Variants in RPS6KA2 observed in about 807,000 individuals in gnomAD.
RPS6KA2 encodes ribosomal protein S6 kinase alpha-2.
In RPS6KA2, 42 loss-of-function variants were observed where a neutral mutation model predicts 91.8. The observed-to-expected ratio is 0.46, with a 90% confidence interval of 0.36 to 0.59. The LOEUF (loss-of-function observed/expected upper bound fraction) is 0.59. Among genes scored for constraint, RPS6KA2 ranks in the 20% least tolerant of loss-of-function variants. RPS6KA2 has a pLI of 0.00. For synonymous variants in RPS6KA2, 414 were observed against 393.6 expected (o/e 1.05, Z -0.61); for missense variants, 798 against 978.5 (o/e 0.82, Z 2.46).
At chr6:166,450,307 A>G (rs1489587956) in intron 13 of RPS6KA2, among the ~76,000 whole-genome samples, 16 of 147,750 alleles carry the variant, frequency 1.1e-4, no homozygotes. Context: ...GGGGACCACC[A>G]TAGGGACCAC....
intron 6 of RPS6KA2, among the ~76,000 whole-genome samples, chr6:166,503,931 C>T (rs1233051477): frequency 6.6e-6 from 1 of 152,152 alleles, no homozygotes; most frequent in East Asian, 1.9e-4. Flanking sequence ...AATTCTGGGG[C>T]CGTTGTCTTT....
intron 2 of RPS6KA2, among the ~76,000 whole-genome samples, chr6:166,685,457 C>T (rs1260778528): frequency 1.3e-5 from 2 of 152,246 alleles, no homozygotes; most frequent in African/African-American, 4.8e-5. Flanking sequence ...CCCTCAGACA[C>T]TCGGGACAAG....
intron 1 of RPS6KA2, among the ~76,000 whole-genome samples, chr6:166,613,564 T>G (rs900935961): frequency 6.6e-6 from 1 of 152,208 alleles, no homozygotes; most frequent in Admixed American, 6.5e-5. Context: ...TTGATTTTTC[T>G]GTCATGTATA....
chr6:166,584,890 T>C (rs1345637128), intron 1 of RPS6KA2, among the ~76,000 whole-genome samples: 1 of 152,242 alleles, frequency 6.6e-6, no homozygotes, highest in South Asian at 2.1e-4. Context: ...GGGTTTACAA[T>C]AACAACATTA....
At chr6:166,509,011 C>T (rs564765997) in intron 4 of RPS6KA2, among the ~76,000 whole-genome samples, 4 of 152,166 alleles carry the variant, frequency 2.6e-5, no homozygotes, top group Admixed American at 2.0e-4. Flanking sequence ...TGAGGCACCG[C>T]GTGGCATCTT....
At chr6:166,477,631 T>C (rs549073236) in intron 10 of RPS6KA2, among the ~76,000 whole-genome samples, 5 of 152,336 alleles carry the variant, frequency 3.3e-5, no homozygotes, top group African/African-American at 9.6e-5. Context: ...ATAGTGACTC[T>C]GGCCAGGCAC....
At chr6:166,787,549 C>G (rs1310321404) in intron 2 of RPS6KA2, among the ~76,000 whole-genome samples, 1 of 151,994 alleles carries the variant, frequency 6.6e-6, no homozygotes, top group Non-Finnish European at 1.5e-5. Flanking sequence ...TTAAAAGTTA[C>G]TGTCTCTTCT....
chr6:166,526,336 T>C (rs995349720), intron 3 of RPS6KA2, among the ~76,000 whole-genome samples: 6 of 146,554 alleles, frequency 4.1e-5, no homozygotes, highest in Non-Finnish European at 8.9e-5. Flanking sequence ...TCTATGTTTA[T>C]ATGGCTTTTT....
chr6:166,470,387 G>A (rs1227822522), intron 10 of RPS6KA2, among the ~76,000 whole-genome samples: 1 of 152,238 alleles, frequency 6.6e-6, no homozygotes, highest in African/African-American at 2.4e-5. Context: ...GAGTCCCGGA[G>A]GAAGCCAGAG....
intron 2 of RPS6KA2, among the ~76,000 whole-genome samples, chr6:166,780,437 C>T (rs1386400506): frequency 1.1e-4 from 16 of 152,212 alleles, no homozygotes; most frequent in Admixed American, 1.0e-3. Flanking sequence ...CTCACAGCCC[C>T]AGCGGGAGCC....
At position 166,423,456 on chromosome 6, in the gene RPS6KA2, G is replaced by T; in HGVS notation, c.1582-39C>A. On this transcript the variant is annotated intron_variant, in intron 16 of 20. Coordinates refer to ENST00000265678, the MANE Select transcript of RPS6KA2 (RefSeq NM_021135.6). The surrounding 1 kb of genome is among the most constrained non-coding windows in gnomAD (Gnocchi z 4.8). ...GGCACAGTGCCTACTTGGGGGCTGA[G>T]GACTGAGCAGGAGAGGGAGGGCAGG... The T allele has an allele frequency of 6.3e-7, 1 of 1,578,910 alleles. No individual in the cohort carries two copies. The highest frequency in any genetic ancestry group is 8.7e-7 in the Non-Finnish European group (1 of 1,155,182).
At chr6:166,647,657 A>C (rs1787650801) in intron 2 of RPS6KA2, among the ~76,000 whole-genome samples, 1 of 152,248 alleles carries the variant, frequency 6.6e-6, no homozygotes, top group Non-Finnish European at 1.5e-5. Context: ...CATTTGAAAA[A>C]TAGCCCCACC....
rs1779909562 is a variant in RPS6KA2, at chr6:166,821,748, T to A, written c.123+36452A>T. ...AACCATGTTTGCTGAGGATGCCCAG[T>A]AGTAAGGCCCTGACCCTTCTGTGAC... On this transcript the variant is annotated intron_variant, in intron 2 of 21. Coordinates refer to the RPS6KA2 transcript ENST00000503859. The surrounding 1 kb of genome is among the most constrained non-coding windows in gnomAD (Gnocchi z 4.1). Among the ~76,000 whole-genome samples, 1 of 152,160 alleles carries A rather than the reference T, an allele frequency of 6.6e-6. No homozygotes were observed.
At chr6:166,672,721 A>G (rs1345994402) in intron 2 of RPS6KA2, among the ~76,000 whole-genome samples, 3 of 152,350 alleles carry the variant, frequency 2.0e-5, no homozygotes, top group Middle Eastern at 3.4e-3. Flanking sequence ...GGGCCGGCTC[A>G]CCGGATGAGA....
At chr6:166,728,580 G>A (rs566361284) in intron 2 of RPS6KA2, among the ~76,000 whole-genome samples, 19 of 152,074 alleles carry the variant, frequency 1.2e-4, no homozygotes, top group South Asian at 8.3e-4. Context: ...CCTCCTCCCC[G>A]TCAGCCAGAC....
At chr6:166,815,657 T>TG (rs1223987704) in intron 2 of RPS6KA2, among the ~76,000 whole-genome samples, 1 of 152,132 alleles carries the variant, frequency 6.6e-6, no homozygotes, top group Non-Finnish European at 1.5e-5. Context: ...ATTCAGCTAA[T>TG]GGGGTAAGCA....
At chr6:166,717,252 A>C (rs1304472966) in intron 2 of RPS6KA2, among the ~76,000 whole-genome samples, 1 of 152,210 alleles carries the variant, frequency 6.6e-6, no homozygotes, top group Non-Finnish European at 1.5e-5. Flanking sequence ...AGAGCATTGC[A>C]AAGAGGTTAC....
intron 1 of RPS6KA2, among the ~76,000 whole-genome samples, chr6:166,593,892 T>C (rs1785439914): frequency 6.6e-6 from 1 of 151,884 alleles, no homozygotes; most frequent in Admixed American, 6.6e-5. Context: ...TATAGGAGAG[T>C]AAAAATCTCA....
intron 2 of RPS6KA2, among the ~76,000 whole-genome samples, chr6:166,668,892 CTTTT>C (rs1427572414): frequency 5.1e-5 from 5 of 98,794 alleles, no homozygotes; most frequent in Admixed American, 1.4e-4. Context: ...TCCTTTCTTT[CTTTT>C]CTTTTTTTTT....
Sources: allele counts gnomAD v4.1 joint callset (sites outside exome capture counted in the v4.1 genomes callset), GRCh38; gene constraint gnomAD v4.1.1; non-coding constraint Gnocchi (gnomAD v3.1); transcripts MANE v1.5; gene names NCBI Gene and HGNC (gene_info 2026-07-23, HGNC 2026-07-21).